The following SRRM4 variants were observed in gnomAD, a reference collection of about 807,000 sequenced individuals.
SRRM4 encodes serine/arginine repetitive matrix 4.
A neutral mutation model predicts 68.9 loss-of-function variants in SRRM4; 33 were observed. The observed-to-expected ratio is 0.48, with a 90% CI of 0.36 to 0.64. SRRM4 has a LOEUF of 0.64. Ranked by LOEUF, SRRM4 falls within the 30% of genes least tolerant of loss-of-function variation. The pLI is 0.00. For missense variants in SRRM4, 817 were observed against 827.1 expected, an observed-to-expected ratio of 0.99 and a Z score of 0.15; for synonymous variants, 318 against 318.8, an observed-to-expected ratio of 1.00 and a Z score of 0.03.
intron 1 of SRRM4, among the ~76,000 whole-genome samples, chr12:119,066,612 G>A (rs147665660): frequency 3.7e-4 from 57 of 152,268 alleles, no homozygotes; most frequent in African/African-American, 1.2e-3. Flanking sequence ...TGCACATTCC[G>A]GTTTGACAAC....
At chr12:119,069,779 T>G (rs1041019088) in intron 1 of SRRM4, 2 of 152,190 alleles carry the variant, frequency 1.3e-5, no homozygotes, top group Admixed American at 1.3e-4. Context: ...AAAACCACCA[T>G]CAGGTTACCC....
In SRRM4 at chr12:118,982,674, T is replaced by A. The variant is rs11069213; in HGVS notation, c.131+661T>A. On this transcript the variant is annotated intron_variant, in intron 1 of 12. Coordinates refer to ENST00000267260, the MANE Select transcript of SRRM4 (RefSeq NM_194286.4). Reference sequence around the variant, plus strand: ...TCTTGGAAGAGTTTTATTTTGTTTTTTTTTGTTTTTTTTTTTTTTTTCCAA... The same window carrying A: ...TCTTGGAAGAGTTTTATTTTGTTTTATTTTGTTTTTTTTTTTTTTTTCCAA... Among the ~76,000 whole-genome samples, 12 of 121,638 alleles carry A rather than the reference T, an allele frequency of 9.9e-5. No individual in the cohort carries two copies. In the East Asian group the frequency reaches 1.5e-3, roughly 16 times the overall value. The allele number at this position is 121,638 out of a possible 152,430, so 79.8% of individuals were successfully genotyped here. A position where few individuals can be genotyped will look rare whatever the true frequency, so the allele number is the denominator to read the frequency against.
At chr12:119,059,418 G>T (rs1953797244) in intron 1 of SRRM4, among the ~76,000 whole-genome samples, 1 of 152,116 alleles carries the variant, frequency 6.6e-6, no homozygotes, top group Admixed American at 6.6e-5. Flanking sequence ...AAGGACTTGG[G>T]GAGCCAGAGG....
intron 4 of SRRM4, among the ~76,000 whole-genome samples, chr12:119,119,090 T>C (rs1482631795): frequency 1.4e-5 from 2 of 147,492 alleles, no homozygotes; most frequent in African/African-American, 5.0e-5. Context: ...TTAGCAAGGC[T>C]TCTGAGTTTT....
In SRRM4 at chr12:119,161,064, G is replaced by T. The variant is rs1954510308; in HGVS notation, c.*4266G>T. 1 of 152,094 alleles carries T rather than the reference G, an allele frequency of 6.6e-6. No individual in the cohort carries two copies. The allele number at this position is 152,094 out of a possible 1,614,324, so 9.4% of individuals were successfully genotyped here. On this transcript the variant is annotated 3_prime_UTR_variant, in exon 13 of 13. Transcript: ENST00000267260. The stretch of plus-strand genomic sequence containing the variant: ...TCAGACCCATCCTCTTTTGCAAAAG[G>T]GTCTGCTTGGAGAGGCCAAAATTCA...
At chr12:118,984,054 C>T (rs928431499) in intron 1 of SRRM4, among the ~76,000 whole-genome samples, 5 of 152,128 alleles carry the variant, frequency 3.3e-5, no homozygotes, top group African/African-American at 7.2e-5. Context: ...CTGTAATAGG[C>T]GTGGCCTCTC....
At chr12:119,069,017 T>C (rs1565901324) in intron 1 of SRRM4, among the ~76,000 whole-genome samples, 1 of 152,098 alleles carries the variant, frequency 6.6e-6, no homozygotes, top group Non-Finnish European at 1.5e-5. Flanking sequence ...GAATTTGGGA[T>C]TCTGCACTAA....
chr12:119,133,190 G>A (rs916411957), intron 8 of SRRM4: 1 of 152,166 alleles, frequency 6.6e-6, no homozygotes, highest in Admixed American at 6.6e-5. Context: ...ATTGTTATGA[G>A]AATTCAATGA....
intron 1 of SRRM4, among the ~76,000 whole-genome samples, chr12:118,996,713 C>T (rs1197836808): frequency 6.6e-6 from 1 of 152,188 alleles, no homozygotes; most frequent in African/African-American, 2.4e-5. Context: ...AGATGTGAGA[C>T]TCAGAGAGTC....
rs1247517520 is a variant in SRRM4, at chr12:119,153,612, C to A, written c.1354C>A (p.Arg452Ser). ...CCCGCCCAGCAGAAGCTCTAGGTCC[C>A]GCCGCAGCCCTAGCTACTCCCGCTA... The part of the protein sequence containing the change: ...RSPPSRSSRS[R>S]RSPSYSRYSP... The change falls in exon 11 of 13, where the codon CGC becomes AGC. Residue 452 changes from arginine to serine, a missense_variant. Arg to Ser is a moderately radical substitution (Grantham distance 110, BLOSUM62 -1). Coordinates refer to ENST00000267260, the MANE Select transcript of SRRM4 (RefSeq NM_194286.4). 1.3e-6 allele frequency: 2 copies of A among 1,567,742 alleles called. No homozygotes were observed. The highest frequency in any genetic ancestry group is 2.4e-5 in the East Asian group (1 of 41,736).
chr12:118,987,759 G>A (rs1380143561), intron 1 of SRRM4, among the ~76,000 whole-genome samples: 1 of 152,168 alleles, frequency 6.6e-6, no homozygotes, highest in African/African-American at 2.4e-5. Context: ...TAAATGATAG[G>A]TTTTTTCGTT....
At chr12:119,138,237 G>A (rs139375781) in intron 8 of SRRM4, among the ~76,000 whole-genome samples, 71 of 152,252 alleles carry the variant, frequency 4.7e-4, no homozygotes, top group African/African-American at 1.5e-3. Context: ...TTCTACCAAC[G>A]TTGGCAGTTA....
intron 1 of SRRM4, among the ~76,000 whole-genome samples, chr12:118,984,039 T>G (rs1251070426): frequency 6.6e-6 from 1 of 151,942 alleles, no homozygotes; most frequent in Non-Finnish European, 1.5e-5. Context: ...TCCTGTGTAA[T>G]ACTTCTGTAA....
rs565782289 is a variant in SRRM4 at position 119,112,048 on chromosome 12, A to G, written c.279-2230A>G. ...GCAAGAGAGTGAAACTGCGTCTCAA[A>G]AAAAAGAAAAAAAAAAAGAATTTGG... On this transcript the variant is annotated intron_variant, in intron 2 of 12. Coordinates refer to ENST00000267260, the MANE Select transcript of SRRM4 (RefSeq NM_194286.4). Among the ~76,000 whole-genome samples, 26 of 152,152 alleles carry G rather than the reference A, an allele frequency of 1.7e-4. 1 individual carries two copies. The highest frequency in any genetic ancestry group is 3.2e-4 in the Non-Finnish European group (22 of 68,012).
At position 119,080,683 on chromosome 12, in the gene SRRM4, G is replaced by C. The variant is rs116819822; in HGVS notation, c.132-21553G>C. Among the ~76,000 whole-genome samples the C allele has an allele frequency of 4.9e-3, 750 of 152,264 alleles. 8 individuals carry two copies. Among genetic ancestry groups the C allele is most frequent in the African/African-American group, 0.017 (710 of 41,556 alleles). On this transcript the variant is annotated intron_variant, in intron 1 of 12. Transcript: ENST00000267260. ...ACTCAGCTAGGGGTGGCAGAGCCAG[G>C]ACCTGAACCAAAGTCATTCTGGGAG...
At chr12:119,068,142 C>T (rs1953857578) in intron 1 of SRRM4, among the ~76,000 whole-genome samples, 1 of 152,190 alleles carries the variant, frequency 6.6e-6, no homozygotes, top group Non-Finnish European at 1.5e-5. Context: ...GGCCCCTTCT[C>T]GTCTTGGCTT....
At chr12:119,052,108 C>A (rs990153857) in intron 1 of SRRM4, among the ~76,000 whole-genome samples, 1 of 152,172 alleles carries the variant, frequency 6.6e-6, no homozygotes, top group African/African-American at 2.4e-5. Context: ...TGAAGTCTTT[C>A]TCCTCAAGAG....
intron 1 of SRRM4, among the ~76,000 whole-genome samples, chr12:118,986,100 T>A (rs1212709571): frequency 6.6e-6 from 1 of 152,084 alleles, no homozygotes; most frequent in Non-Finnish European, 1.5e-5. Flanking sequence ...AAAGGGAAAT[T>A]GTAAGGCAGA....
chr12:119,090,852 C>T (rs541087206), intron 1 of SRRM4, among the ~76,000 whole-genome samples: 1 of 152,338 alleles, frequency 6.6e-6, no homozygotes, highest in East Asian at 1.9e-4. Flanking sequence ...CTGGCAATCT[C>T]AGTTTCTGTA....
Sources: allele counts gnomAD v4.1 joint callset (sites outside exome capture counted in the v4.1 genomes callset), GRCh38; gene constraint gnomAD v4.1.1; transcripts MANE v1.5; gene names NCBI Gene and HGNC (gene_info 2026-07-23, HGNC 2026-07-21).